PLA2G5: variants seen among roughly 807,000 people sequenced by gnomAD.
The protein encoded by PLA2G5 is Ca2+-dependent phospholipase A2.
PLA2G5 carries 12 observed loss-of-function variants against 15.9 expected under a neutral mutation model. That is an observed-to-expected ratio of 0.76 (90% CI 0.48 to 1.23). The LOEUF is 1.23. Ranked by LOEUF, PLA2G5 falls within the 50% of genes most tolerant of loss-of-function variation. The pLI is 0.00. For synonymous variants in PLA2G5, 71 were observed against 71.4 expected, an observed-to-expected ratio of 0.99 and a Z score of 0.03; for missense variants, 169 against 177.1, an observed-to-expected ratio of 0.95 and a Z score of 0.26.
At chr1:20,053,573 G>GGT (rs926331052) in intron 1 of PLA2G5, among the ~76,000 whole-genome samples, 1 of 88,648 alleles carries the variant, frequency 1.1e-5, no homozygotes, top group African/African-American at 3.0e-5. Flanking sequence ...TACTTTGCGG[G>GGT]GGGGGGGGTG....
At chr1:20,040,040 C>T (rs1311159473) in intron 1 of PLA2G5, among the ~76,000 whole-genome samples, 7 of 152,182 alleles carry the variant, frequency 4.6e-5, no homozygotes, top group Admixed American at 4.6e-4. Flanking sequence ...AAATATTCTG[C>T]CCTTAAAGAT....
intron 1 of PLA2G5, among the ~76,000 whole-genome samples, chr1:20,036,484 C>T (rs932545729): frequency 6.6e-6 from 1 of 151,956 alleles, no homozygotes; most frequent in Admixed American, 6.6e-5. Context: ...AATTAGAAAG[C>T]CTTGTTTTCA....
rs496648 is a variant in PLA2G5 at position 20,079,041 on chromosome 1, G to A, written c.-10-5780G>A. On this transcript the variant is annotated intron_variant, in intron 1 of 4. Coordinates refer to ENST00000375108, the MANE Select transcript of PLA2G5 (RefSeq NM_000929.3). ...AGGAGGGAAGATGGCTTGAGCCCAGGAGGTGGAGGCTGCAGTGAGATGTGA... is the reference window on the plus strand; with the variant it reads ...AGGAGGGAAGATGGCTTGAGCCCAGAAGGTGGAGGCTGCAGTGAGATGTGA... 6.7e-3 allele frequency among the ~76,000 whole-genome samples: 1,008 copies of A among 151,312 alleles called. 15 individuals carry two copies. Among genetic ancestry groups the A allele is most frequent in the African/African-American group, 0.023 (956 of 41,152 alleles).
chr1:20,090,782 C>A lies in PLA2G5; in HGVS notation c.*90C>A. Reference sequence around the variant, plus strand: ...GACTCTGCCTGGTTCCTGAGAGAGGCTCCTAAGTCACAGACCTCAGTCTTT... The same window carrying A: ...GACTCTGCCTGGTTCCTGAGAGAGGATCCTAAGTCACAGACCTCAGTCTTT... On this transcript the variant is annotated 3_prime_UTR_variant, in exon 5 of 5. Coordinates refer to ENST00000375108, the MANE Select transcript of PLA2G5 (RefSeq NM_000929.3). The A allele has an allele frequency of 7.2e-7, 1 of 1,383,464 alleles. No individual in the cohort carries two copies. Among genetic ancestry groups the A allele is most frequent in the Non-Finnish European group, 1.0e-6 (1 of 979,240 alleles). 85.7% of individuals were successfully genotyped at this position (1,383,464 alleles called of 1,614,324 possible). A position where few individuals can be genotyped will look rare whatever the true frequency, so the allele number is the denominator to read the frequency against.
chr1:20,061,534 C>T (rs1197203140), intron 2 of PLA2G5, among the ~76,000 whole-genome samples: 5 of 143,918 alleles, frequency 3.5e-5, no homozygotes, highest in Non-Finnish European at 7.4e-5. Flanking sequence ...TGCAGTGAGC[C>T]GTGATTGCAC....
In PLA2G5 at chr1:20,086,089, C is replaced by T; in HGVS notation, c.47C>T (p.Pro16Leu). The T allele has an allele frequency of 6.2e-7, 1 of 1,614,054 alleles. No individual in the cohort carries two copies. Among genetic ancestry groups the T allele is most frequent in the Non-Finnish European group, 8.5e-7 (1 of 1,179,988 alleles). The change falls in exon 3 of 5, where the codon CCT becomes CTT. Residue 16 changes from proline (P) to leucine (L), a missense_variant. Physicochemically the swap from Pro to Leu is moderately conservative, Grantham distance 98 (BLOSUM62 -3). Coordinates refer to ENST00000375108, the MANE Select transcript of PLA2G5 (RefSeq NM_000929.3). The part of the protein sequence containing the change: ...PLAWFLACSV[P>L]AVQGGLLDLK... Reference sequence around the variant, plus strand: ...GACATGGGCTATCTTCCAGGTGTGCCTGCTGTGCAAGGAGGCTTGCTGGAC... The same window carrying T: ...GACATGGGCTATCTTCCAGGTGTGCTTGCTGTGCAAGGAGGCTTGCTGGAC...
At chr1:20,061,273 C>A (rs2014713860) in intron 2 of PLA2G5, among the ~76,000 whole-genome samples, 1 of 152,112 alleles carries the variant, frequency 6.6e-6, no homozygotes, top group Admixed American at 6.6e-5. Context: ...GGCCTGACTG[C>A]CCCACTCATA....
chr1:20,089,839 G>A lies in PLA2G5; in HGVS notation c.236G>A (p.Cys79Tyr), dbSNP rs2100647857. ...HCYGRLEEKG[C>Y]NIRTQSYKYR... ...TATGGGCGGCTGGAGGAGAAGGGCT[G>A]CAACATTCGCACACAGTCCTACAAA... The change falls in exon 4 of 5, where the codon TGC (cysteine) becomes TAC (tyrosine). Residue 79 changes from cysteine (C) to tyrosine (Y), a missense_variant. Coordinates refer to ENST00000375108, the MANE Select transcript of PLA2G5 (RefSeq NM_000929.3). 1 of 1,614,186 alleles carries A rather than the reference G, an allele frequency of 6.2e-7. No homozygotes were observed. Among genetic ancestry groups the A allele is most frequent in the African/African-American group, 1.3e-5 (1 of 75,078 alleles).
chr1:20,053,536 A>G (rs975531083), intron 1 of PLA2G5, among the ~76,000 whole-genome samples: 2 of 130,962 alleles, frequency 1.5e-5, no homozygotes, highest in African/African-American at 2.9e-5. Flanking sequence ...GGTTCTATTC[A>G]CATCCTAGTT....
At chr1:20,079,826 C>T (rs1007678287) in intron 1 of PLA2G5, among the ~76,000 whole-genome samples, 6 of 152,284 alleles carry the variant, frequency 3.9e-5, no homozygotes, top group South Asian at 2.1e-4. Context: ...TCTCTCTAAC[C>T]GCAAGCCTGG....
intron 1 of PLA2G5, among the ~76,000 whole-genome samples, chr1:20,075,256 A>G (rs531634354): frequency 7.2e-5 from 11 of 152,168 alleles, no homozygotes; most frequent in African/African-American, 2.6e-4. Flanking sequence ...TCAAGATCCA[A>G]CCTCCTTAGC....
At chr1:20,065,607 C>G (rs951652564), upstream of PLA2G5, among the ~76,000 whole-genome samples, 1 of 152,178 alleles carries the variant, frequency 6.6e-6, no homozygotes, top group African/African-American at 2.4e-5. Flanking sequence ...TTTTTGATAG[C>G]TTATTTCTTA....
chr1:20,039,428 G>A (rs1428184530), intron 1 of PLA2G5, among the ~76,000 whole-genome samples: 2 of 152,046 alleles, frequency 1.3e-5, no homozygotes, highest in Admixed American at 6.5e-5. Flanking sequence ...GACAAAACAA[G>A]GATTAAATAG....
intron 1 of PLA2G5, among the ~76,000 whole-genome samples, chr1:20,080,183 G>A (rs2015930157): frequency 6.6e-6 from 1 of 152,154 alleles, no homozygotes; most frequent in African/African-American, 2.4e-5. Context: ...GCTGTGCCCT[G>A]GAGGGGGATT....
chr1:20,029,682 A>G (rs2012804236), intron 1 of PLA2G5, among the ~76,000 whole-genome samples: 1 of 152,172 alleles, frequency 6.6e-6, no homozygotes, highest in African/African-American at 2.4e-5. Flanking sequence ...TAAAGGGACC[A>G]CACTCTTCCC....
chr1:20,087,670 G>T (rs1403724761), intron 3 of PLA2G5, among the ~76,000 whole-genome samples: 1 of 152,028 alleles, frequency 6.6e-6, no homozygotes, highest in Non-Finnish European at 1.5e-5. Flanking sequence ...TCAATAGAAG[G>T]CCCCTTCCAA....
intron 1 of PLA2G5, among the ~76,000 whole-genome samples, chr1:20,041,801 G>C (rs1309373173): frequency 6.6e-6 from 1 of 152,156 alleles, no homozygotes; most frequent in Non-Finnish European, 1.5e-5. Context: ...TTCAGTGGGG[G>C]AGTAGGTGGG....
chr1:20,063,150 G>A lies in PLA2G5; in HGVS notation n.337+3458G>A, dbSNP rs188662697. Among the ~76,000 whole-genome samples, 54 of 152,066 alleles carry A rather than the reference G, an allele frequency of 3.6e-4. No individual in the cohort carries two copies. In the South Asian group the frequency reaches 9.6e-3, roughly 27 times the overall value. On this transcript the variant is annotated intron_variant and non_coding_transcript_variant, in intron 2 of 6. Transcript: ENST00000460175. ...CAAGGCTGCAGTGAGCTATGATCAC[G>A]CCACTGTACTCTAGCCCAGGCAACA...
At chr1:20,035,978 ATCTT>A (rs1483128101) in intron 1 of PLA2G5, among the ~76,000 whole-genome samples, 1 of 152,112 alleles carries the variant, frequency 6.6e-6, no homozygotes, top group Non-Finnish European at 1.5e-5. Flanking sequence ...AAAGGACTTT[ATCTT>A]TCTTTCATTT....
Sources: gnomAD v4.1 joint callset for allele counts (sites outside exome capture counted in the v4.1 genomes callset) on GRCh38, gnomAD v4.1.1 for gene constraint, MANE v1.5 for transcripts, NCBI Gene and HGNC (gene_info 2026-07-23, HGNC 2026-07-21) for gene names.